The following LPP variants were observed in gnomAD, a reference collection of about 807,000 sequenced individuals.
The protein encoded by LPP is lipoma-preferred partner.
A neutral mutation model predicts 60.4 loss-of-function variants in LPP; 38 were observed. The observed-to-expected ratio is 0.63, with a 90% CI of 0.49 to 0.83. LPP has a LOEUF of 0.83. Among genes scored for constraint, LPP ranks in the 40% least tolerant of loss-of-function variants. The pLI, the probability that LPP is intolerant of heterozygous loss-of-function variation, is 0.00. For missense variants in LPP, 902 were observed against 783.6 expected (o/e 1.15, Z -1.80); for synonymous variants, 328 against 290.8 (o/e 1.13, Z -1.30).
At chr3:188,819,027 CGTGTGT>C (rs59994224) in intron 9 of LPP, among the ~76,000 whole-genome samples, 15,632 of 142,002 alleles carry the variant, frequency 0.11, 1,343 homozygotes, top group African/African-American at 0.25. Flanking sequence ...TCATGGGGGT[CGTGTGT>C]GTGTGTGTGT....
intron 7 of LPP, among the ~76,000 whole-genome samples, chr3:188,641,134 C>A (rs541543959): frequency 1.3e-5 from 2 of 151,908 alleles, no homozygotes; most frequent in African/African-American, 2.4e-5. Context: ...TTGCAGGAAA[C>A]TGCGTTATGC....
chr3:188,662,447 T>G (rs1326058599), intron 7 of LPP, among the ~76,000 whole-genome samples: 3 of 152,268 alleles, frequency 2.0e-5, no homozygotes, highest in African/African-American at 7.2e-5. Flanking sequence ...GGTGAGGTTC[T>G]GTGAGGGACT....
At chr3:188,619,251 C>T (rs12637833) in intron 7 of LPP, among the ~76,000 whole-genome samples, 56,288 of 152,118 alleles carry the variant, frequency 0.37, 11,141 homozygotes, top group East Asian at 0.77. Flanking sequence ...TCTCAAACTC[C>T]TGACCTCAGG....
intron 6 of LPP, among the ~76,000 whole-genome samples, chr3:188,586,917 C>T (rs879304355): frequency 7.2e-5 from 11 of 151,834 alleles, no homozygotes; most frequent in East Asian, 2.0e-4. Flanking sequence ...TTAGTAGAGA[C>T]GGGGGTTTCC....
intron 5 of LPP, among the ~76,000 whole-genome samples, chr3:188,485,409 T>C (rs1215737977): frequency 6.6e-6 from 1 of 152,174 alleles, no homozygotes; most frequent in Non-Finnish European, 1.5e-5. Flanking sequence ...AGAATTATTG[T>C]TATAGTTTTA....
At chr3:188,782,547 T>C (rs909925976) in intron 9 of LPP, among the ~76,000 whole-genome samples, 114 of 152,304 alleles carry the variant, frequency 7.5e-4, no homozygotes, top group African/African-American at 2.7e-3. Context: ...TCCTAAGATA[T>C]GTTTAATAAA....
At chr3:188,851,359 G>A (rs1429230665) in intron 9 of LPP, among the ~76,000 whole-genome samples, 2 of 152,148 alleles carry the variant, frequency 1.3e-5, no homozygotes, top group Non-Finnish European at 2.9e-5. Context: ...GAGATGATAA[G>A]AATAATACTA....
chr3:188,593,785 A>G (rs1839435898), intron 6 of LPP, among the ~76,000 whole-genome samples: 1 of 152,178 alleles, frequency 6.6e-6, no homozygotes, highest in African/African-American at 2.4e-5. Flanking sequence ...ATTCATTTTT[A>G]TGGCTGAGCA....
At chr3:188,750,552 G>A (rs973056818) in intron 8 of LPP, among the ~76,000 whole-genome samples, 3 of 152,074 alleles carry the variant, frequency 2.0e-5, no homozygotes, top group African/African-American at 7.2e-5. Context: ...AGAATTGCTT[G>A]AACCTGGGAG....
chr3:188,217,951 A>G lies in LPP; in HGVS notation c.-189-7454A>G, dbSNP rs138130789. On this transcript the variant is annotated intron_variant, in intron 1 of 11. Coordinates refer to ENST00000617246, the MANE Select transcript of LPP (RefSeq NM_001375462.1). This position sits in a 1 kb window ranked among gnomAD's most constrained non-coding sequence, Gnocchi z 4.0. ...TTTGCTCTCCCTGGGTATTTTTGTA[A>G]AACATTCTTTCCCACCAAGAATGAG... Among the ~76,000 whole-genome samples, 221 of 152,266 alleles carry G rather than the reference A, an allele frequency of 1.5e-3. No individual in the cohort carries two copies. Among genetic ancestry groups the G allele is most frequent in the African/African-American group, 5.2e-3 (217 of 41,556 alleles).
intron 9 of LPP, among the ~76,000 whole-genome samples, chr3:188,808,092 A>G (rs1749726381): frequency 6.6e-6 from 1 of 151,954 alleles, no homozygotes; most frequent in African/African-American, 2.4e-5. Context: ...TGTTGCTGTG[A>G]TTCCCCTTAG....
At chr3:188,269,645 ATGTGTGTGTGTGTG>A (rs368115626) in intron 2 of LPP, among the ~76,000 whole-genome samples, 4 of 136,454 alleles carry the variant, frequency 2.9e-5, no homozygotes, top group Non-Finnish European at 4.6e-5. Flanking sequence ...CTTTTTTTTT[ATGTGTGTGTGTGTG>A]TGTGTGTGTG....
chr3:188,759,974 G>T, intron 8 of LPP, 139 bp from the exon 9 acceptor site: 1 of 670,208 alleles, frequency 1.5e-6, no homozygotes, highest in Non-Finnish European at 2.6e-6. Flanking sequence ...GGGTAATGGG[G>T]TAATAGTACT....
chr3:188,556,953 C>T (rs1829628748), intron 6 of LPP, among the ~76,000 whole-genome samples: 2 of 152,182 alleles, frequency 1.3e-5, no homozygotes, highest in Admixed American at 6.6e-5. Context: ...AGTTCCTTTT[C>T]TCTGTAAATT....
chr3:188,370,438 G>A lies in LPP; in HGVS notation c.-10+28719G>A, dbSNP rs866988576. 2.0e-5 allele frequency among the ~76,000 whole-genome samples: 3 copies of A among 151,838 alleles called. No individual in the cohort carries two copies. In the South Asian group the frequency reaches 6.3e-4, roughly 32 times the overall value. On this transcript the variant is annotated intron_variant, in intron 3 of 11. Coordinates refer to ENST00000617246, the MANE Select transcript of LPP (RefSeq NM_001375462.1). ...CAATCCCAGGTGTGTTATGTTGTCAGCATCCTCATCTAATCAACATGATGA... is the reference window on the plus strand; with the variant it reads ...CAATCCCAGGTGTGTTATGTTGTCAACATCCTCATCTAATCAACATGATGA...
At chr3:188,804,273 A>G (rs1197783827) in intron 9 of LPP, among the ~76,000 whole-genome samples, 1 of 126,772 alleles carries the variant, frequency 7.9e-6, no homozygotes, top group Non-Finnish European at 1.7e-5. Flanking sequence ...ATATATATAT[A>G]TATATATATA....
intron 9 of LPP, among the ~76,000 whole-genome samples, chr3:188,863,923 T>G (rs1227675706): frequency 1.3e-5 from 2 of 150,712 alleles, no homozygotes; most frequent in Admixed American, 6.6e-5. Context: ...GCCAAACATT[T>G]TCTGGTTATT....
At chr3:188,565,709 A>C (rs1356667772) in intron 6 of LPP, among the ~76,000 whole-genome samples, 2 of 152,008 alleles carry the variant, frequency 1.3e-5, no homozygotes, top group South Asian at 4.1e-4. Context: ...TGGCAAAGAA[A>C]CTTAAAGTAC....
intron 4 of LPP, among the ~76,000 whole-genome samples, chr3:188,438,354 T>TTCACAC (rs374408127): frequency 0.034 from 4,659 of 138,022 alleles, 230 homozygotes; most frequent in Admixed American, 0.041. Context: ...TTCCATGCAT[T>TTCACAC]ACACACACAC....
Sources: allele counts gnomAD v4.1 joint callset (sites outside exome capture counted in the v4.1 genomes callset), GRCh38; gene constraint gnomAD v4.1.1; non-coding constraint Gnocchi (gnomAD v3.1); transcripts MANE v1.5; gene names NCBI Gene and HGNC (gene_info 2026-07-23, HGNC 2026-07-21).